The following BFAR variants were observed in gnomAD, a reference collection of about 807,000 sequenced individuals.
BFAR encodes bifunctional apoptosis regulator.
Under a neutral mutation model 54.4 loss-of-function variants are expected in BFAR, and 52 were observed. The ratio of observed to expected loss-of-function variants is 0.96; its 90% CI spans 0.77 to 1.21. BFAR has a LOEUF of 1.21. Among genes scored for constraint, BFAR ranks in the 50% most tolerant of loss-of-function variants. The pLI is 0.00. For synonymous variants in BFAR, 215 were observed against 204.3 expected (o/e 1.05, Z -0.45); for missense variants, 571 against 534.0 (o/e 1.07, Z -0.68).
chr16:14,651,300 C>A (rs1417585246), intron 4 of BFAR, among the ~76,000 whole-genome samples: 2 of 152,132 alleles, frequency 1.3e-5, no homozygotes, highest in Non-Finnish European at 2.9e-5. Flanking sequence ...CAAGGAAACA[C>A]GTACTTTCAC....
At chr16:14,656,758 A>G (rs1960140389) in intron 5 of BFAR, among the ~76,000 whole-genome samples, 1 of 152,152 alleles carries the variant, frequency 6.6e-6, no homozygotes, top group Non-Finnish European at 1.5e-5. Flanking sequence ...AACAAGGCAC[A>G]CCCATGTAGG....
intron 5 of BFAR, among the ~76,000 whole-genome samples, chr16:14,660,093 T>C (rs1960248053): frequency 6.6e-6 from 1 of 152,122 alleles, no homozygotes; most frequent in Non-Finnish European, 1.5e-5. Context: ...CTCCCAGAAG[T>C]TTCCTCCTGC....
intron 1 of BFAR, among the ~76,000 whole-genome samples, chr16:14,636,904 A>G (rs1959463530): frequency 6.6e-6 from 1 of 152,200 alleles, no homozygotes; most frequent in South Asian, 2.1e-4. Flanking sequence ...AACAAAGCAC[A>G]TCTTGTACCG....
At chr16:14,659,540 G>A (rs1357873258) in intron 5 of BFAR, among the ~76,000 whole-genome samples, 6 of 150,968 alleles carry the variant, frequency 4.0e-5, no homozygotes, top group African/African-American at 1.2e-4. Flanking sequence ...CACCATGTCC[G>A]GCCTCTATAG....
At chr16:14,639,616 C>T (rs1046745687) in intron 1 of BFAR, among the ~76,000 whole-genome samples, 1 of 152,158 alleles carries the variant, frequency 6.6e-6, no homozygotes, top group Non-Finnish European at 1.5e-5. Flanking sequence ...AGCCACCACG[C>T]CAGGCCAGAA....
intron 5 of BFAR, among the ~76,000 whole-genome samples, chr16:14,660,582 G>A (rs1403436487): frequency 2.7e-4 from 35 of 129,110 alleles, no homozygotes; most frequent in African/African-American, 9.1e-4. Flanking sequence ...ACCGCACTCG[G>A]CCTTTTTTTT....
intron 4 of BFAR, among the ~76,000 whole-genome samples, chr16:14,652,011 C>T (rs1436515426): frequency 1.3e-5 from 2 of 151,438 alleles, no homozygotes; most frequent in Non-Finnish European, 2.9e-5. Flanking sequence ...CTCAGCCTCC[C>T]GAGTAGCTGG....
Position 14,644,616 on chromosome 16 carries a change from T to A in BFAR, c.263+7T>A. ...AAGTCAGTATTCTCCTCAGGTAATG[T>A]TCAGCCTATATTGGTAGCACAAACA... On this transcript the variant is annotated splice_region_variant and intron_variant, in intron 2 of 7. Coordinates refer to ENST00000261658, the MANE Select transcript of BFAR (RefSeq NM_016561.3). The A allele has an allele frequency of 1.9e-6, 3 of 1,611,206 alleles. No individual in the cohort carries two copies. The highest frequency in any genetic ancestry group is 2.5e-6 in the Non-Finnish European group (3 of 1,179,820).
intron 1 of BFAR, among the ~76,000 whole-genome samples, chr16:14,635,777 A>G (rs1444879896): frequency 7.3e-5 from 11 of 149,792 alleles, no homozygotes; most frequent in Admixed American, 4.6e-4. Flanking sequence ...TTTTTTTAAG[A>G]TGGAGTCCCA....
intron 2 of BFAR, among the ~76,000 whole-genome samples, chr16:14,645,245 G>T (rs968278878): frequency 6.6e-6 from 1 of 151,988 alleles, no homozygotes; most frequent in Non-Finnish European, 1.5e-5. Flanking sequence ...AGCCTGGGAG[G>T]TCGAGGCTGC....
rs901591596 is a variant in BFAR at position 14,667,935 on chromosome 16, A to C, written c.*108A>C. On this transcript the variant is annotated 3_prime_UTR_variant, in exon 8 of 8. Coordinates refer to ENST00000261658, the MANE Select transcript of BFAR (RefSeq NM_016561.3). Reference sequence around the variant, plus strand: ...CTTCCTATTTTCTACCCTCAGTAAAACAAGGTGCTGCTTTGTATATCAAAA... The same window carrying C: ...CTTCCTATTTTCTACCCTCAGTAAACCAAGGTGCTGCTTTGTATATCAAAA... 8 of 1,192,340 alleles carry C rather than the reference A, an allele frequency of 6.7e-6. No homozygotes were observed. The highest frequency in any genetic ancestry group is 6.5e-5 in the Admixed American group (3 of 45,960). The allele number at this position is 1,192,340 out of a possible 1,614,324, so 73.9% of individuals were successfully genotyped here. A position where few individuals can be genotyped will look rare whatever the true frequency, so the allele number is the denominator to read the frequency against.
chr16:14,660,891 ACT>A (rs1341824709), intron 5 of BFAR, among the ~76,000 whole-genome samples: 6 of 151,614 alleles, frequency 4.0e-5, no homozygotes, highest in Non-Finnish European at 7.4e-5. Flanking sequence ...ACAGAGCAAG[ACT>A]CTGTCTCAAA....
chr16:14,653,931 G>C (rs923658293), intron 4 of BFAR, among the ~76,000 whole-genome samples: 5 of 151,776 alleles, frequency 3.3e-5, no homozygotes, highest in Non-Finnish European at 4.4e-5. Flanking sequence ...AAACTCCTGG[G>C]CTCAAGTGAT....
chr16:14,650,731 C>A (rs1338652387), intron 4 of BFAR: 1 of 152,074 alleles, frequency 6.6e-6, no homozygotes, highest in Non-Finnish European at 1.5e-5. Context: ...TTTTGTTTAT[C>A]CATTCATTGG....
chr16:14,647,328 G>A (rs900271789), intron 2 of BFAR, among the ~76,000 whole-genome samples: 1 of 151,354 alleles, frequency 6.6e-6, no homozygotes, highest in Non-Finnish European at 1.5e-5. Flanking sequence ...TAAGTGATCT[G>A]CCCACCTCGG....
At chr16:14,638,929 A>C (rs1959536889) in intron 1 of BFAR, among the ~76,000 whole-genome samples, 1 of 152,016 alleles carries the variant, frequency 6.6e-6, no homozygotes, top group South Asian at 2.1e-4. Context: ...TGGGCAACAG[A>C]GTAAGACTTG....
At chr16:14,666,978 A>G (rs1274955356) in intron 7 of BFAR, among the ~76,000 whole-genome samples, 5 of 152,036 alleles carry the variant, frequency 3.3e-5, no homozygotes, top group Non-Finnish European at 7.4e-5. Context: ...TTGGGAGGTG[A>G]GAGGATTGCT....
At chr16:14,657,349 C>T (rs914098599) in intron 5 of BFAR, among the ~76,000 whole-genome samples, 8 of 151,116 alleles carry the variant, frequency 5.3e-5, no homozygotes, top group African/African-American at 1.5e-4. Flanking sequence ...ACTGGGTTCA[C>T]GCCATTCTCC....
Position 14,659,847 on chromosome 16 carries a change from G to A in BFAR, c.784-2045G>A, listed in dbSNP as rs924283650. On this transcript the variant is annotated intron_variant, in intron 5 of 7. Coordinates refer to ENST00000261658, the MANE Select transcript of BFAR (RefSeq NM_016561.3). ...GATTACAGGCTGAGCCACCACGCCC[G>A]GTCTCTATAGTATACATTTCTAAAG... 5.3e-5 allele frequency among the ~76,000 whole-genome samples: 8 copies of A among 152,178 alleles called. No individual in the cohort carries two copies. In the East Asian group the frequency reaches 7.7e-4, roughly 15 times the overall value.
Sources: gnomAD v4.1 joint callset for allele counts (sites outside exome capture counted in the v4.1 genomes callset) on GRCh38, gnomAD v4.1.1 for gene constraint, MANE v1.5 for transcripts, NCBI Gene and HGNC (gene_info 2026-07-23, HGNC 2026-07-21) for gene names.